MYT1: variants seen among roughly 807,000 people sequenced by gnomAD.
The protein encoded by MYT1 is myelin transcription factor 1.
MYT1 carries 23 observed loss-of-function variants against 123.0 expected under a neutral mutation model. That is an observed-to-expected ratio of 0.19 (90% CI 0.13 to 0.26). The LOEUF (loss-of-function observed/expected upper bound fraction) is 0.26, where lower values mean the gene tolerates loss of function less well. Among genes scored for constraint, MYT1 ranks in the 10% least tolerant of loss-of-function variants. The pLI is 1.00. For synonymous variants in MYT1, 518 were observed against 575.3 expected, an observed-to-expected ratio of 0.90 and a Z score of 1.43; for missense variants, 1,125 against 1,472.5, an observed-to-expected ratio of 0.76 and a Z score of 3.86.
In MYT1 at chr20:64,221,192, C is replaced by T. The variant is rs549182459; in HGVS notation, c.2242-701C>T. 1.7e-3 allele frequency among the ~76,000 whole-genome samples: 253 copies of T among 152,302 alleles called. 1 individual carries two copies. The highest frequency in any genetic ancestry group is 5.8e-3 in the African/African-American group (242 of 41,562). ...GGGCCCCAAGAGCCTGAGCCACTTG[C>T]CTGGGACACATGCGAGTGCCTGTCA... On this transcript the variant is annotated intron_variant, in intron 13 of 22. Coordinates refer to ENST00000328439, the MANE Select transcript of MYT1 (RefSeq NM_004535.3).
In MYT1 at chr20:64,218,719, T is replaced by G; in HGVS notation, c.1847-192T>G. On this transcript the variant is annotated intron_variant, in intron 11 of 22. Coordinates refer to ENST00000328439, the MANE Select transcript of MYT1 (RefSeq NM_004535.3). The surrounding 1 kb of genome is among the most constrained non-coding windows in gnomAD (Gnocchi z 4.0). Reference sequence around the variant, plus strand: ...AGCCCCTGGCCCACTTCGATATAGCTGTGCCCTGGGCCCTCCCATCCCTCC... The same window carrying G: ...AGCCCCTGGCCCACTTCGATATAGCGGTGCCCTGGGCCCTCCCATCCCTCC... 1 of 736,366 alleles carries G rather than the reference T, an allele frequency of 1.4e-6. No homozygotes were observed. 45.6% of individuals were successfully genotyped at this position (736,366 alleles called of 1,614,324 possible).
At chr20:64,226,648 T>C (rs376536124) in intron 16 of MYT1, among the ~76,000 whole-genome samples, 5 of 152,266 alleles carry the variant, frequency 3.3e-5, no homozygotes, top group African/African-American at 9.6e-5. Context: ...GGAACTCACA[T>C]ATTTTTTCCT....
At chr20:64,219,610 T>C in intron 12 of MYT1, 103 bp from the exon 13 acceptor site, 1 of 1,030,848 alleles carries the variant, frequency 9.7e-7, no homozygotes, top group Non-Finnish European at 1.4e-6. Context: ...CTTCCTTCTA[T>C]GGGAACCAGT....
In MYT1 at chr20:64,237,139, C is replaced by A. The variant is rs1449700595; in HGVS notation, c.2990-148C>A. The A allele has an allele frequency of 4.8e-6, 3 of 618,958 alleles. No individual in the cohort carries two copies. The African/African-American group carries it at 5.5e-5, about 11-fold the overall frequency. The allele number at this position is 618,958 out of a possible 1,614,324, so 38.3% of individuals were successfully genotyped here. A position where few individuals can be genotyped will look rare whatever the true frequency, so the allele number is the denominator to read the frequency against. ...TCCAGCGCATAATGTGGGGTATGAG[C>A]CCCAGAGAGAGATGAGCTCGGAAAA... On this transcript the variant is annotated intron_variant, in intron 20 of 22. Transcript: ENST00000328439.
At position 64,239,747 on chromosome 20, in the gene MYT1, C is replaced by G. The variant is rs1282092105; in HGVS notation, c.3094-13C>G. ...CAAGGGCAGGCGGCACTTCGAATCT[C>G]TCTCTGGCACAGATCTCCTCCATGG... On this transcript the variant is annotated splice_polypyrimidine_tract_variant and intron_variant, in intron 21 of 22. Transcript: ENST00000328439. 1 of 1,613,604 alleles carries G rather than the reference C, an allele frequency of 6.2e-7. No individual in the cohort carries two copies. The highest frequency in any genetic ancestry group is 2.2e-5 in the East Asian group (1 of 44,880).
rs991244561 is a variant in MYT1, at chr20:64,191,964, A to G, written c.-1+1804A>G. Reference sequence around the variant, plus strand: ...CATAGCGCTGTACTGGCATGAGATCATGTGAGCATGAACGTTACTTGACTT... The same window carrying G: ...CATAGCGCTGTACTGGCATGAGATCGTGTGAGCATGAACGTTACTTGACTT... On this transcript the variant is annotated intron_variant, in intron 2 of 22. Coordinates refer to ENST00000328439, the MANE Select transcript of MYT1 (RefSeq NM_004535.3). The surrounding 1 kb of genome is among the most constrained non-coding windows in gnomAD (Gnocchi z 4.1). 3 of 152,196 alleles carry G rather than the reference A, an allele frequency of 2.0e-5. No homozygotes were observed. The highest frequency in any genetic ancestry group is 4.4e-5 in the Non-Finnish European group (3 of 68,032). The allele number at this position is 152,196 out of a possible 1,614,324, so 9.4% of individuals were successfully genotyped here. A position where few individuals can be genotyped will look rare whatever the true frequency, so the allele number is the denominator to read the frequency against.
intron 1 of MYT1, among the ~76,000 whole-genome samples, chr20:64,169,787 C>T (rs575743): frequency 6.6e-6 from 1 of 152,156 alleles, no homozygotes; most frequent in Non-Finnish European, 1.5e-5. Flanking sequence ...TCGTAAGGGG[C>T]AGAGAAACAC....
Position 64,164,486 on chromosome 20 carries a change from G to A in MYT1, c.-352G>A, listed in dbSNP as rs1312262887. Reference sequence around the variant, plus strand: ...ACAAAGGAGCCTCCTCCGCCAGCCCGTGCCACCGCTGCTAATGAGAGCAGT... The same window carrying A: ...ACAAAGGAGCCTCCTCCGCCAGCCCATGCCACCGCTGCTAATGAGAGCAGT... On this transcript the variant is annotated 5_prime_UTR_variant, in exon 1 of 23. It adds an upstream start codon to the 5' untranslated region. Coordinates refer to ENST00000328439, the MANE Select transcript of MYT1 (RefSeq NM_004535.3). 2 of 152,132 alleles carry A rather than the reference G, an allele frequency of 1.3e-5. No homozygotes were observed. The highest frequency in any genetic ancestry group is 2.9e-5 in the Non-Finnish European group (2 of 68,036). 9.4% of individuals were successfully genotyped at this position (152,132 alleles called of 1,614,324 possible). A position where few individuals can be genotyped will look rare whatever the true frequency, so the allele number is the denominator to read the frequency against.
intron 2 of MYT1, among the ~76,000 whole-genome samples, chr20:64,195,354 C>CTGTGTGTGTGTG (rs5741790): frequency 3.0e-5 from 3 of 98,834 alleles, no homozygotes. Flanking sequence ...ATGGTGAGAA[C>CTGTGTGTGTGTG]TGTGTGTGTG....
intron 1 of MYT1, among the ~76,000 whole-genome samples, chr20:64,180,964 T>G (rs1234682387): frequency 1.3e-5 from 2 of 152,226 alleles, no homozygotes; most frequent in Non-Finnish European, 2.9e-5. Flanking sequence ...TTTTTTATTC[T>G]TCTACTTCCT....
rs140907107 is a variant in MYT1 at position 64,213,626 on chromosome 20, C to T, written c.1610C>T (p.Ser537Phe). 37 of 1,614,076 alleles carry T rather than the reference C, an allele frequency of 2.3e-5. No homozygotes were observed. In the East Asian group the frequency reaches 7.6e-4, roughly 33 times the overall value. ...ACAGGAGATCCTTCCAAGAGTAGCT[C>T]CAATTCCGATCGGATCCTCAGGTGA... ...PQTGDPSKSSSNSDRILRPMC... is the reference protein window; with the variant it reads ...PQTGDPSKSSFNSDRILRPMC... Residue 537 changes from serine to phenylalanine, a missense_variant, in exon 10 of 23, where the codon TCC becomes TTC. Coordinates refer to ENST00000328439, the MANE Select transcript of MYT1 (RefSeq NM_004535.3). This position sits in a 1 kb window ranked among gnomAD's most constrained non-coding sequence, Gnocchi z 5.6.
Position 64,232,248 on chromosome 20 carries a change from C to T in MYT1, c.2760C>T (p.Ala920=), listed in dbSNP as rs142974950. The change falls in exon 19 of 23, where the codon GCC becomes GCT. Residue 920 remains alanine (A), a synonymous_variant. Transcript: ENST00000328439. The surrounding 1 kb of genome is among the most constrained non-coding windows in gnomAD (Gnocchi z 6.9). ...GGAGCGCATCCGGCTGCCCACTGGC[C>T]GCCCGCAGGCAGAAGGAAGGGTCCC... is the stretch of plus-strand genomic sequence containing the variant. ...SHRSASGCPL[A]ARRQKEGSLN... is the part of the protein sequence containing the mutation. 8.0e-3 allele frequency: 12,887 copies of T among 1,613,156 alleles called. 112 individuals are homozygous for T. The highest frequency in any genetic ancestry group is 1.0e-2 in the African/African-American group (748 of 75,038).
At chr20:64,215,267 G>A (rs1214828126) in intron 10 of MYT1, among the ~76,000 whole-genome samples, 2 of 152,150 alleles carry the variant, frequency 1.3e-5, no homozygotes, top group Non-Finnish European at 2.9e-5. Context: ...GCACTCCCTG[G>A]GACTATGACC....
At chr20:64,194,054 G>A (rs1983037882) in intron 2 of MYT1, among the ~76,000 whole-genome samples, 1 of 152,146 alleles carries the variant, frequency 6.6e-6, no homozygotes, top group Non-Finnish European at 1.5e-5. Flanking sequence ...CAGCCCCAGG[G>A]TTTCAGAGAT....
At chr20:64,234,037 C>T (rs957958032) in intron 19 of MYT1, among the ~76,000 whole-genome samples, 1 of 152,182 alleles carries the variant, frequency 6.6e-6, no homozygotes, top group Non-Finnish European at 1.5e-5. Flanking sequence ...GCTGCAGAAG[C>T]CGGGAAGGCC....
In MYT1 at chr20:64,221,992, C is replaced by G; in HGVS notation, c.2341C>G (p.Leu781Val). ...GCGGAAGTATCCGGGGGAAGTCACC[C>G]TGACCAACTTTAAGCTGAAGTTTCT... ...EERKYPGEVT[L>V]TNFKLKFLSK... The change falls in exon 14 of 23, where the codon CTG (leucine) becomes GTG (valine). Residue 781 changes from leucine (L) to valine (V), a missense_variant. By Grantham distance (32) the Leu-to-Val change is conservative (BLOSUM62 1). Around this residue, in one of 4 missense-constraint regions of MYT1, gnomAD observed 429 missense variants for 604.1 expected, o/e 0.71. Coordinates refer to ENST00000328439, the MANE Select transcript of MYT1 (RefSeq NM_004535.3). 6.2e-7 allele frequency: 1 copy of G among 1,613,590 alleles called. No homozygotes were observed. Among genetic ancestry groups the G allele is most frequent in the South Asian group, 1.1e-5 (1 of 91,036 alleles).
chr20:64,208,081 GGAGGAAGAGGAAGAGGAA>G lies in MYT1; in HGVS notation c.891_908del (p.Glu301_Glu306del), dbSNP rs537698482. 4 of 1,605,650 alleles carry G rather than the reference GGAGGAAGAGGAAGAGGAA, an allele frequency of 2.5e-6. No individual in the cohort carries two copies. In the Admixed American group the frequency reaches 5.0e-5, roughly 20 times the overall value. On this transcript the variant is annotated inframe_deletion, in exon 7 of 23. Coordinates refer to ENST00000328439, the MANE Select transcript of MYT1 (RefSeq NM_004535.3). The surrounding 1 kb of genome is among the most constrained non-coding windows in gnomAD (Gnocchi z 5.4). Reference sequence around the variant, plus strand: ...AGGAGGAGGAGGAAGAGGAAGAGGAGGAGGAAGAGGAAGAGGAAGAGGAGGAGGAGGAGGCAGCTCCTG... The same window carrying G: ...AGGAGGAGGAGGAAGAGGAAGAGGAGGAGGAGGAGGAGGAGGCAGCTCCTG...
chr20:64,237,457 A>G (rs1984586524), intron 21 of MYT1, 67 bp downstream of exon 21: 4 of 1,264,738 alleles, frequency 3.2e-6, no homozygotes, highest in Admixed American at 4.0e-5. Flanking sequence ...TCTTGGGGAC[A>G]GTGAGGCATC....
At chr20:64,179,093 G>A (rs969139833) in intron 1 of MYT1, among the ~76,000 whole-genome samples, 70 of 146,150 alleles carry the variant, frequency 4.8e-4, no homozygotes, top group East Asian at 1.0e-3. Flanking sequence ...GCACTGAGCC[G>A]TTATTTGGTG....
Sources: allele counts gnomAD v4.1 joint callset (sites outside exome capture counted in the v4.1 genomes callset), GRCh38; gene constraint gnomAD v4.1.1; regional missense constraint gnomAD v4.1.1; non-coding constraint Gnocchi (gnomAD v3.1); transcripts MANE v1.5; gene names NCBI Gene and HGNC (gene_info 2026-07-23, HGNC 2026-07-21).